ERC2: variants seen among roughly 807,000 people sequenced by gnomAD.
ERC2 encodes ELKS/RAB6-interacting/CAST family member 2, also known as ERC protein 2.
Under a neutral mutation model 114.8 loss-of-function variants are expected in ERC2, and 42 were observed. The ratio of observed to expected loss-of-function variants is 0.37; its 90% CI spans 0.29 to 0.47. The LOEUF (loss-of-function observed/expected upper bound fraction) is 0.47. Among genes scored for constraint, ERC2 ranks in the 20% least tolerant of loss-of-function variants. The pLI, the probability that ERC2 is intolerant of heterozygous loss-of-function variation, is 0.99. For missense variants in ERC2, 939 were observed against 1,150.7 expected (o/e 0.82, Z 2.66); for synonymous variants, 454 against 425.5 (o/e 1.07, Z -0.82).
chr3:56,331,806 A>C (rs2057629108), intron 2 of ERC2, among the ~76,000 whole-genome samples: 1 of 152,158 alleles, frequency 6.6e-6, no homozygotes, highest in Admixed American at 6.5e-5. Context: ...GAGCCACTGA[A>C]GTTTGGTCCA....
chr3:56,320,177 G>A (rs1464582271), intron 2 of ERC2, among the ~76,000 whole-genome samples: 1 of 152,156 alleles, frequency 6.6e-6, no homozygotes, highest in East Asian at 1.9e-4. Flanking sequence ...CAGATACACA[G>A]TATCTGTACT....
At chr3:55,543,431 A>T (rs2054533970) in intron 17 of ERC2, among the ~76,000 whole-genome samples, 1 of 152,204 alleles carries the variant, frequency 6.6e-6, no homozygotes, top group South Asian at 2.1e-4. Flanking sequence ...TCTCATAAAG[A>T]TGAGTGAGTG....
intron 14 of ERC2, among the ~76,000 whole-genome samples, chr3:55,840,052 C>G (rs993528514): frequency 4.6e-5 from 7 of 151,854 alleles, no homozygotes; most frequent in Non-Finnish European, 8.8e-5. Flanking sequence ...CTATTAGTAT[C>G]AAAGTTGATT....
chr3:56,198,260 C>G (rs746442164), intron 3 of ERC2, among the ~76,000 whole-genome samples: 1 of 152,218 alleles, frequency 6.6e-6, no homozygotes, highest in Admixed American at 6.5e-5. Context: ...AAATTCCTCA[C>G]AACCTGTGCA....
intron 14 of ERC2, among the ~76,000 whole-genome samples, chr3:55,820,703 C>G (rs535858469): frequency 1.3e-5 from 2 of 152,258 alleles, no homozygotes; most frequent in Non-Finnish European, 2.9e-5. Flanking sequence ...CCGGGCAGGG[C>G]ACCAGATAGG....
At chr3:55,596,579 GAAAAT>G (rs1401378234) in intron 17 of ERC2, among the ~76,000 whole-genome samples, 2 of 152,110 alleles carry the variant, frequency 1.3e-5, no homozygotes, top group East Asian at 1.9e-4. Context: ...TCCTGTCTCT[GAAAAT>G]AAAATAAAGT....
intron 7 of ERC2, among the ~76,000 whole-genome samples, chr3:56,032,319 A>G (rs139589068): frequency 7.9e-4 from 120 of 152,360 alleles, no homozygotes; most frequent in Non-Finnish European, 1.4e-3. Flanking sequence ...CAAAAGAAAG[A>G]ATCCACAAAC....
At chr3:56,416,132 A>G (rs1370213763) in intron 2 of ERC2, among the ~76,000 whole-genome samples, 1 of 152,224 alleles carries the variant, frequency 6.6e-6, no homozygotes, top group Non-Finnish European at 1.5e-5. Context: ...ATTTGGCATC[A>G]AAGCCAAGTC....
chr3:55,686,596 C>A (rs985257287), intron 16 of ERC2, among the ~76,000 whole-genome samples: 2 of 152,194 alleles, frequency 1.3e-5, no homozygotes, highest in Non-Finnish European at 1.5e-5. Flanking sequence ...TGTTCAGCAA[C>A]CTTACTGCAC....
chr3:55,996,930 G>T (rs186699491), intron 10 of ERC2, among the ~76,000 whole-genome samples: 1 of 152,328 alleles, frequency 6.6e-6, no homozygotes, highest in East Asian at 1.9e-4. Flanking sequence ...CTATGGGGTT[G>T]TCAAGTATCA....
intron 10 of ERC2, chr3:56,003,213 CA>C (rs35658351): frequency 1 from 1,040,535 of 1,040,544 alleles, 520,263 homozygotes; most frequent in Middle Eastern, 1. Context: ...ATTAGCTCAA[CA>C]AAATCCATGC....
chr3:55,876,303 G>T (rs909088772), intron 14 of ERC2, among the ~76,000 whole-genome samples: 3 of 151,976 alleles, frequency 2.0e-5, no homozygotes, highest in African/African-American at 7.3e-5. Flanking sequence ...TTACAGGAAG[G>T]CAGAGAAACC....
intron 6 of ERC2, among the ~76,000 whole-genome samples, chr3:56,087,318 G>T (rs1196303515): frequency 6.6e-6 from 1 of 151,774 alleles, no homozygotes. Context: ...TGAAAGAAAA[G>T]AACCATGGCA....
intron 14 of ERC2, among the ~76,000 whole-genome samples, chr3:55,794,019 A>C (rs1407849176): frequency 2.6e-5 from 4 of 152,200 alleles, no homozygotes; most frequent in Non-Finnish European, 5.9e-5. Context: ...AAAACCATGT[A>C]CCTTTCACAA....
intron 3 of ERC2, among the ~76,000 whole-genome samples, chr3:56,277,907 G>A (rs918705704): frequency 1.3e-5 from 2 of 152,298 alleles, no homozygotes; most frequent in Non-Finnish European, 2.9e-5. Flanking sequence ...CACACACAAA[G>A]GAGGCAGAGT....
At chr3:55,872,123 T>C (rs542124578) in intron 14 of ERC2, among the ~76,000 whole-genome samples, 2 of 152,150 alleles carry the variant, frequency 1.3e-5, no homozygotes, top group Admixed American at 1.3e-4. Flanking sequence ...TTTACTTTAG[T>C]ATATAATTGA....
intron 3 of ERC2, among the ~76,000 whole-genome samples, chr3:56,224,913 G>C (rs1352674262): frequency 6.6e-6 from 1 of 152,176 alleles, no homozygotes; most frequent in Non-Finnish European, 1.5e-5. Flanking sequence ...GTGACCCAGA[G>C]TTAACTTTCT....
At chr3:55,774,819 C>A (rs958781588) in intron 14 of ERC2, among the ~76,000 whole-genome samples, 1 of 152,142 alleles carries the variant, frequency 6.6e-6, no homozygotes, top group Admixed American at 6.5e-5. Flanking sequence ...AATAACAAAC[C>A]ATTAATATTA....
intron 3 of ERC2, among the ~76,000 whole-genome samples, chr3:56,294,469 G>C (rs911588976): frequency 2.0e-5 from 3 of 152,206 alleles, no homozygotes; most frequent in African/African-American, 7.2e-5. Context: ...TTTCTTTGTG[G>C]CTGTTGAAAT....
Sources: allele counts gnomAD v4.1 joint callset (sites outside exome capture counted in the v4.1 genomes callset), GRCh38; gene constraint gnomAD v4.1.1; transcripts MANE v1.5; gene names NCBI Gene and HGNC (gene_info 2026-07-23, HGNC 2026-07-21).